The following IL1RAPL1 variants were observed in gnomAD, a reference collection of about 807,000 sequenced individuals.
IL1RAPL1 encodes the protein interleukin-1 receptor accessory protein-like 1.
IL1RAPL1 carries 3 observed loss-of-function variants against 48.4 expected under a neutral mutation model. That is an observed-to-expected ratio of 0.06 (90% CI 0.03 to 0.16). The LOEUF (loss-of-function observed/expected upper bound fraction) is 0.16, where lower values mean the gene tolerates loss of function less well. IL1RAPL1 is among the 10% of genes least tolerant of loss of function. The pLI is 1.00. For missense variants in IL1RAPL1, 349 were observed against 530.6 expected (o/e 0.66, Z 3.36); for synonymous variants, 185 against 187.7 (o/e 0.99, Z 0.12).
At position 29,098,285 on chromosome X, in the gene IL1RAPL1, C is replaced by T. The variant is rs759749949; in HGVS notation, c.83-184653C>T. On this transcript the variant is annotated intron_variant, in intron 2 of 10. Transcript: ENST00000378993. ...TGCCACTACCACTGCTCTCCTTTTA[C>T]ACTTCCTTTCTTCTGTCTTGTGTCT... 3.0e-4 allele frequency among the ~76,000 whole-genome samples: 33 copies of T among 111,307 alleles called. No homozygotes were observed. The East Asian group carries it at 3.9e-3, about 13-fold the overall frequency.
rs1480505467 is a variant in IL1RAPL1 at position 28,758,975 on chromosome X, G to A, written c.-24-30345G>A. ...GTCCTGGCTGGGTGCAGCGGCTCAC[G>A]CCTGTAATCCCAGCACTTTGGGAGG... On this transcript the variant is annotated intron_variant, in intron 1 of 10. Coordinates refer to ENST00000378993, the MANE Select transcript of IL1RAPL1 (RefSeq NM_014271.4). Among the ~76,000 whole-genome samples the A allele has an allele frequency of 4.5e-5, 5 of 112,275 alleles. No individual in the cohort carries two copies. The East Asian group carries it at 1.4e-3, about 31-fold the overall frequency.
In IL1RAPL1 at chrX:29,758,709, T is replaced by A. The variant is rs866577728; in HGVS notation, c.778+90205T>A. On this transcript the variant is annotated intron_variant, in intron 6 of 10. Transcript: ENST00000378993. ...AAAACTCTTCTCAAAAAAAAAAAAA[T>A]AATAATAATAATACAAATTTTCTCT... 5.5e-3 allele frequency among the ~76,000 whole-genome samples: 555 copies of A among 100,995 alleles called. 4 individuals are homozygous for A. Among genetic ancestry groups the A allele is most frequent in the African/African-American group, 0.019 (454 of 23,867 alleles). The allele number at this position is 100,995 out of a possible 115,157, so 87.7% of individuals were successfully genotyped here. A position where few individuals can be genotyped will look rare whatever the true frequency, so the allele number is the denominator to read the frequency against.
At position 29,914,046 on chromosome X, in the gene IL1RAPL1, CTG is replaced by C. The variant is rs767153197; in HGVS notation, c.779-3416_779-3415del. On this transcript the variant is annotated intron_variant, in intron 6 of 10. Coordinates refer to ENST00000378993, the MANE Select transcript of IL1RAPL1 (RefSeq NM_014271.4). ...TCTTCTATTCCTTCCTTGAATTTCA[CTG>C]TCTTACCCACAGCAAGCCCATCTCA... Among the ~76,000 whole-genome samples the C allele has an allele frequency of 2.7e-5, 3 of 111,824 alleles. No individual in the cohort carries two copies. The Admixed American group carries it at 2.9e-4, about 11-fold the overall frequency.
At chrX:28,932,040 T>C (rs1178162090) in intron 2 of IL1RAPL1, among the ~76,000 whole-genome samples, 1 of 106,170 alleles carries the variant, frequency 9.4e-6, no homozygotes, top group Non-Finnish European at 1.9e-5. Flanking sequence ...AGACTCCATC[T>C]CAAAAAAAAA....
chrX:29,765,337 A>C (rs1422766283), intron 6 of IL1RAPL1, among the ~76,000 whole-genome samples: 1 of 107,224 alleles, frequency 9.3e-6, no homozygotes, highest in Non-Finnish European at 1.9e-5. Flanking sequence ...CCCAGCTGCC[A>C]GGCCGCCAGG....
chrX:28,922,910 T>C (rs1923648314), intron 2 of IL1RAPL1, among the ~76,000 whole-genome samples: 1 of 111,931 alleles, frequency 8.9e-6, no homozygotes, highest in Non-Finnish European at 1.9e-5. Context: ...GTAATTCTTG[T>C]GGTTATTGTA....
rs192325870 is a variant in IL1RAPL1 at position 29,932,277 on chromosome X, A to C, written c.1058-9374A>C. Among the ~76,000 whole-genome samples, 384 of 112,355 alleles carry C rather than the reference A, an allele frequency of 3.4e-3. 2 individuals are homozygous for C. Among genetic ancestry groups the C allele is most frequent in the African/African-American group, 0.012 (367 of 31,004 alleles). ...ATCTAAAGGGGAAAGGTTTTCTGCA[A>C]TAAAGCTCTGTCTGTGTTAGTAACT... On this transcript the variant is annotated intron_variant, in intron 8 of 10. Coordinates refer to ENST00000378993, the MANE Select transcript of IL1RAPL1 (RefSeq NM_014271.4).
intron 2 of IL1RAPL1, among the ~76,000 whole-genome samples, chrX:29,006,901 T>C (rs1925998392): frequency 9.0e-6 from 1 of 110,861 alleles, no homozygotes; most frequent in Non-Finnish European, 1.9e-5. Context: ...TAATAAAATA[T>C]ATAGCAAGCA....
chrX:29,446,121 C>T (rs1029090813), intron 5 of IL1RAPL1, among the ~76,000 whole-genome samples: 1 of 111,545 alleles, frequency 9.0e-6, no homozygotes, highest in Non-Finnish European at 1.9e-5. Context: ...CAGTACCAAA[C>T]GGTTCTCAAG....
intron 1 of IL1RAPL1, among the ~76,000 whole-genome samples, chrX:28,615,836 A>G (rs1297929417): frequency 8.9e-6 from 1 of 112,104 alleles, no homozygotes; most frequent in East Asian, 2.8e-4. Flanking sequence ...GAGTCACACA[A>G]ACATCACCTC....
intron 3 of IL1RAPL1, among the ~76,000 whole-genome samples, chrX:29,370,614 C>T (rs2147666287): frequency 9.0e-6 from 1 of 110,762 alleles, no homozygotes; most frequent in Non-Finnish European, 1.9e-5. Context: ...AACCAGTGCT[C>T]TAATCTACCT....
intron 5 of IL1RAPL1, among the ~76,000 whole-genome samples, chrX:29,659,936 C>T (rs752263259): frequency 8.9e-6 from 1 of 111,914 alleles, no homozygotes; most frequent in Non-Finnish European, 1.9e-5. Flanking sequence ...GTTTAATTGA[C>T]TCACAGTTCT....
At chrX:29,686,035 G>A (rs1016626327) in intron 6 of IL1RAPL1, among the ~76,000 whole-genome samples, 3 of 110,882 alleles carry the variant, frequency 2.7e-5, no homozygotes, top group Non-Finnish European at 5.7e-5. Flanking sequence ...CACAAGGTGA[G>A]CATGTTATTT....
At chrX:29,602,353 C>G (rs923988068) in intron 5 of IL1RAPL1, among the ~76,000 whole-genome samples, 6 of 111,788 alleles carry the variant, frequency 5.4e-5, no homozygotes, top group African/African-American at 1.6e-4. Context: ...AGCAGAGATG[C>G]TATATCTCAC....
At chrX:29,500,218 T>C (rs1244003863) in intron 5 of IL1RAPL1, among the ~76,000 whole-genome samples, 1 of 111,942 alleles carries the variant, frequency 8.9e-6, no homozygotes, top group Non-Finnish European at 1.9e-5. Flanking sequence ...TGATCTCAGG[T>C]GATCCTCCCA....
chrX:29,332,086 T>C (rs1048173439), intron 3 of IL1RAPL1, among the ~76,000 whole-genome samples: 10 of 92,167 alleles, frequency 1.1e-4, no homozygotes, highest in Admixed American at 2.7e-4. Context: ...GAAAATACTA[T>C]TCTAAGGTCT....
intron 1 of IL1RAPL1, among the ~76,000 whole-genome samples, chrX:28,754,570 A>G (rs1326621600): frequency 8.9e-6 from 1 of 112,306 alleles, no homozygotes; most frequent in South Asian, 3.7e-4. Flanking sequence ...GTTCACCTGC[A>G]CATAAATCTA....
At chrX:29,635,062 A>G (rs1200131723) in intron 5 of IL1RAPL1, among the ~76,000 whole-genome samples, 1 of 111,748 alleles carries the variant, frequency 8.9e-6, no homozygotes, top group Non-Finnish European at 1.9e-5. Flanking sequence ...CAAAGAGATG[A>G]CAAGATTTTT....
At chrX:29,175,640 T>C (rs1338402011) in intron 2 of IL1RAPL1, among the ~76,000 whole-genome samples, 1 of 108,946 alleles carries the variant, frequency 9.2e-6, no homozygotes, top group African/African-American at 3.4e-5. Context: ...AGGTCAGGAA[T>C]TTGAGACCAG....
Sources: gnomAD v4.1 joint callset for allele counts (sites outside exome capture counted in the v4.1 genomes callset) on GRCh38, gnomAD v4.1.1 for gene constraint, MANE v1.5 for transcripts, NCBI Gene and HGNC (gene_info 2026-07-23, HGNC 2026-07-21) for gene names.